The following CXXC4 variants were observed in gnomAD, a reference collection of about 807,000 sequenced individuals.
The protein encoded by CXXC4 is CXXC-type zinc finger protein 4.
CXXC4 carries 5 observed loss-of-function variants against 20.5 expected under a neutral mutation model. The ratio of observed to expected loss-of-function variants is 0.24; its 90% CI spans 0.13 to 0.51. The LOEUF is 0.51. Among genes scored for constraint, CXXC4 ranks in the 20% least tolerant of loss-of-function variants. The pLI is 0.97. For missense variants in CXXC4, 419 were observed against 496.4 expected (o/e 0.84, Z 1.48); for synonymous variants, 250 against 216.4 (o/e 1.16, Z -1.36).
intron 2 of CXXC4, among the ~76,000 whole-genome samples, chr4:104,486,976 A>G (rs756128056): frequency 6.6e-6 from 1 of 152,184 alleles, no homozygotes; most frequent in Non-Finnish European, 1.5e-5. Flanking sequence ...ACTCTTCTGA[A>G]GTAAGCTATC....
rs1297838205 is a variant in CXXC4, at chr4:104,469,684, A to G, written c.*2638T>C. ...GTCATCTCTTTCTTCAACATCACCA[A>G]TGAGAACTTTATATGCATCCTACAT... On this transcript the variant is annotated 3_prime_UTR_variant, in exon 3 of 3. Coordinates refer to ENST00000394767, the MANE Select transcript of CXXC4 (RefSeq NM_025212.4). 6.6e-6 allele frequency: 1 copy of G among 152,058 alleles called. No individual in the cohort carries two copies. 9.4% of individuals were successfully genotyped at this position (152,058 alleles called of 1,614,324 possible).
intron 2 of CXXC4, among the ~76,000 whole-genome samples, chr4:104,486,212 G>A (rs1736689539): frequency 1.3e-5 from 2 of 152,078 alleles, no homozygotes; most frequent in Admixed American, 1.3e-4. Context: ...TATTAAAAAT[G>A]TATGTACGCT....
chr4:104,479,145 C>T (rs183565852), intron 2 of CXXC4, among the ~76,000 whole-genome samples: 1 of 152,100 alleles, frequency 6.6e-6, no homozygotes, highest in East Asian at 1.9e-4. Flanking sequence ...AGTGGTTGGA[C>T]AATTTTGAAG....
chr4:104,488,542 T>G (rs1482831161), intron 2 of CXXC4, among the ~76,000 whole-genome samples: 1 of 152,232 alleles, frequency 6.6e-6, no homozygotes, highest in Non-Finnish European at 1.5e-5. Context: ...CATGCTCTGA[T>G]AGAAGGGATC....
In CXXC4 at chr4:104,470,155, A is replaced by T. The variant is rs1736227413; in HGVS notation, c.*2167T>A. ...TGGTAAACAAAAAACAAAAAATAAA[A>T]TAATGGAAAAGGAAAAAAAAAAAAA... On this transcript the variant is annotated 3_prime_UTR_variant, in exon 3 of 3. Coordinates refer to ENST00000394767, the MANE Select transcript of CXXC4 (RefSeq NM_025212.4). 1 of 132,624 alleles carries T rather than the reference A, an allele frequency of 7.5e-6. No homozygotes were observed. Among genetic ancestry groups the T allele is most frequent in the African/African-American group, 2.8e-5 (1 of 35,924 alleles). 8.2% of individuals were successfully genotyped at this position (132,624 alleles called of 1,614,324 possible).
chr4:104,490,272 G>A lies in CXXC4; in HGVS notation c.1059+472C>T, dbSNP rs149374272. Reference sequence around the variant, plus strand: ...CAACTTCATTGAATACTGCTGTGTGGTTTGTTACCGGTTTTTTAATGAGAA... The same window carrying A: ...CAACTTCATTGAATACTGCTGTGTGATTTGTTACCGGTTTTTTAATGAGAA... On this transcript the variant is annotated intron_variant, in intron 2 of 2. Transcript: ENST00000394767. Among the ~76,000 whole-genome samples the A allele has an allele frequency of 2.4e-4, 37 of 152,288 alleles. 1 individual carries two copies. The Middle Eastern group carries it at 0.01, about 42-fold the overall frequency.
chr4:104,485,704 T>C (rs1188082754), intron 2 of CXXC4, among the ~76,000 whole-genome samples: 2 of 152,136 alleles, frequency 1.3e-5, no homozygotes, highest in African/African-American at 4.8e-5. Flanking sequence ...ACCATGGATC[T>C]TCAGCCTGGA....
At chr4:104,492,201 A>AC (rs1162003749) in intron 1 of CXXC4, 142 bp from the exon 2 acceptor site, 233 of 109,544 alleles carry the variant, frequency 2.1e-3, no homozygotes, top group Non-Finnish European at 2.8e-3. Context: ...TCAAGACGTG[A>AC]CCCCCCCCAG....
At chr4:104,485,586 A>G (rs1183435449) in intron 2 of CXXC4, among the ~76,000 whole-genome samples, 1 of 152,126 alleles carries the variant, frequency 6.6e-6, no homozygotes, top group African/African-American at 2.4e-5. Context: ...ACTTTCTTAA[A>G]AGCACACTTT....
At position 104,490,949 on chromosome 4, in the gene CXXC4, G is replaced by C; in HGVS notation, c.854C>G (p.Ser285Cys). 6.2e-7 allele frequency: 1 copy of C among 1,614,028 alleles called. No individual in the cohort carries two copies. The highest frequency in any genetic ancestry group is 8.5e-7 in the Non-Finnish European group (1 of 1,179,986). Residue 285 changes from serine (S) to cysteine (C), a missense_variant, in exon 2 of 3, where the codon TCC becomes TGC. Coordinates refer to ENST00000394767, the MANE Select transcript of CXXC4 (RefSeq NM_025212.4). ...CCCTGAGGAGGACGAGGAGGAGGAG[G>C]AATGATTCTGCGGGCAGTCTGCCAG... ...ANLADCPQNH[S>C]SSSSSSSGGA...
In CXXC4 at chr4:104,468,453, ACT is replaced by A. The variant is rs1172800890; in HGVS notation, c.*3867_*3868del. 18 of 150,048 alleles carry A rather than the reference ACT, an allele frequency of 1.2e-4. No individual in the cohort carries two copies. The highest frequency in any genetic ancestry group is 1.2e-3 in the Admixed American group (18 of 15,038). 9.3% of individuals were successfully genotyped at this position (150,048 alleles called of 1,614,324 possible). A position where few individuals can be genotyped will look rare whatever the true frequency, so the allele number is the denominator to read the frequency against. ...ATAAGTAATTTTCTTTAATAAATAC[ACT>A]GTTTTCCAAAACCGTTTTTTAAATA... On this transcript the variant is annotated 3_prime_UTR_variant, in exon 3 of 3. Transcript: ENST00000394767.
At chr4:104,482,700 T>C (rs537239915) in intron 2 of CXXC4, among the ~76,000 whole-genome samples, 1 of 152,286 alleles carries the variant, frequency 6.6e-6, no homozygotes, top group African/African-American at 2.4e-5. Context: ...AAAATGTATT[T>C]AATCTTGTTT....
intron 2 of CXXC4, among the ~76,000 whole-genome samples, chr4:104,472,818 T>G (rs1736309658): frequency 6.6e-6 from 1 of 152,000 alleles, no homozygotes; most frequent in Non-Finnish European, 1.5e-5. Flanking sequence ...GGATTCACTT[T>G]TGCTGGTTAG....
chr4:104,492,444 CATT>C (rs1736918369), intron 1 of CXXC4, among the ~76,000 whole-genome samples: 1 of 152,146 alleles, frequency 6.6e-6, no homozygotes, highest in South Asian at 2.1e-4. Flanking sequence ...GGCATTTAAA[CATT>C]ATGAAATGTG....
chr4:104,491,551 G>C lies in CXXC4; in HGVS notation c.252C>G (p.Ile84Met), dbSNP rs760972986. The change falls in exon 2 of 3, where the codon ATC becomes ATG. Residue 84 changes from isoleucine (I) to methionine (M), a missense_variant. Ile to Met is a conservative substitution (Grantham distance 10). Around this residue, in one of 3 missense-constraint regions of CXXC4, gnomAD observed 388 missense variants for 416.0 expected, o/e 0.93. Transcript: ENST00000394767. ...TGTCGCAGTTCCAGGGGGACATGCC[G>C]ATGCGCGCGGCGGCCGCGGCGGCGG... ...SAAAAAAAAR[I>M]GMSPWNCDNA... The C allele has an allele frequency of 4.0e-6, 6 of 1,496,876 alleles. No homozygotes were observed. The highest frequency in any genetic ancestry group is 2.9e-5 in the African/African-American group (2 of 68,938). 92.7% of individuals were successfully genotyped at this position (1,496,876 alleles called of 1,614,324 possible).
intron 1 of CXXC4, among the ~76,000 whole-genome samples, chr4:104,492,952 C>A (rs1363466408): frequency 6.6e-6 from 1 of 151,384 alleles, no homozygotes; most frequent in South Asian, 2.1e-4. Flanking sequence ...CCTAATCATT[C>A]CTAATGGAGA....
At chr4:104,480,971 T>G (rs1736545006) in intron 2 of CXXC4, among the ~76,000 whole-genome samples, 1 of 151,912 alleles carries the variant, frequency 6.6e-6, no homozygotes, top group Non-Finnish European at 1.5e-5. Flanking sequence ...TTTCTCTTAT[T>G]CAGGTAAAAC....
chr4:104,484,972 C>T (rs530443623), intron 2 of CXXC4, among the ~76,000 whole-genome samples: 10 of 152,038 alleles, frequency 6.6e-5, no homozygotes, highest in Non-Finnish European at 1.2e-4. Context: ...CTAATAATAG[C>T]AGCAAAATGC....
chr4:104,488,698 C>T (rs547570441), intron 2 of CXXC4, among the ~76,000 whole-genome samples: 2 of 152,252 alleles, frequency 1.3e-5, no homozygotes, highest in East Asian at 3.9e-4. Flanking sequence ...ATTTTGTCAT[C>T]AAAATGCCTG....
Sources: gnomAD v4.1 joint callset for allele counts (sites outside exome capture counted in the v4.1 genomes callset) on GRCh38, gnomAD v4.1.1 for gene constraint, gnomAD v4.1.1 regional missense constraint, MANE v1.5 for transcripts, NCBI Gene and HGNC (gene_info 2026-07-23, HGNC 2026-07-21) for gene names.